NTRK2: variants seen among roughly 807,000 people sequenced by gnomAD.
NTRK2 encodes neurotrophic receptor tyrosine kinase 2, also known as BDNF/NT-3 growth factors receptor.
Under a neutral mutation model 94.5 loss-of-function variants are expected in NTRK2, and 13 were observed. The ratio of observed to expected loss-of-function variants is 0.14; its 90% CI spans 0.09 to 0.22. NTRK2 has a LOEUF of 0.22. Among genes scored for constraint, NTRK2 ranks in the 10% least tolerant of loss-of-function variants. NTRK2 has a pLI of 1.00. For synonymous variants in NTRK2, 372 were observed against 407.4 expected (o/e 0.91, Z 1.05); for missense variants, 639 against 1,071.2 (o/e 0.60, Z 5.63).
chr9:84,754,179 C>T (rs925008970), intron 12 of NTRK2, among the ~76,000 whole-genome samples: 2 of 151,990 alleles, frequency 1.3e-5, no homozygotes, highest in African/African-American at 4.8e-5. Flanking sequence ...AAAGAGTGTG[C>T]TTAACCCTGC....
intron 18 of NTRK2, 27 bp downstream of exon 18, chr9:85,020,391 T>A: frequency 1.2e-6 from 2 of 1,612,976 alleles, no homozygotes; most frequent in Non-Finnish European, 8.5e-7. Flanking sequence ...GCCAAGACCC[T>A]CCAGAGGGCT....
chr9:84,815,809 T>C (rs2072339511), intron 12 of NTRK2: 5 of 909,904 alleles, frequency 5.5e-6, no homozygotes, highest in South Asian at 5.1e-5. Flanking sequence ...CTGAAGACTT[T>C]AGAAGAAACA....
chr9:85,012,174 A>G (rs1210566314), intron 17 of NTRK2, among the ~76,000 whole-genome samples: 5 of 151,710 alleles, frequency 3.3e-5, no homozygotes, highest in Non-Finnish European at 5.9e-5. Context: ...TTTTTAGTAG[A>G]GACGGGGTTT....
intron 12 of NTRK2, among the ~76,000 whole-genome samples, chr9:84,763,630 G>C (rs923914426): frequency 1.5e-4 from 23 of 152,114 alleles, no homozygotes; most frequent in Non-Finnish European, 3.1e-4. Context: ...CAAATTTCCA[G>C]CATGTTTTTC....
intron 12 of NTRK2, among the ~76,000 whole-genome samples, chr9:84,793,308 G>A (rs1041415003): frequency 1.3e-5 from 2 of 150,052 alleles, no homozygotes; most frequent in African/African-American, 4.9e-5. Context: ...AAAAAAAATT[G>A]CCCCAGTTAG....
intron 12 of NTRK2, chr9:84,812,809 T>A: frequency 9.6e-7 from 1 of 1,039,872 alleles, no homozygotes; most frequent in Non-Finnish European, 1.2e-6. Context: ...GCTAGAAGGA[T>A]TGCAAGGTAG....
At chr9:84,780,754 A>G (rs1403942551) in intron 12 of NTRK2, among the ~76,000 whole-genome samples, 1 of 152,224 alleles carries the variant, frequency 6.6e-6, no homozygotes, top group African/African-American at 2.4e-5. Context: ...ACTGGTCCAT[A>G]GTTCCTACTT....
intron 17 of NTRK2, among the ~76,000 whole-genome samples, chr9:84,972,939 A>G (rs1004230970): frequency 6.6e-6 from 1 of 152,194 alleles, no homozygotes; most frequent in African/African-American, 2.4e-5. Flanking sequence ...AGAATTAACT[A>G]TGATTTCAGC....
At chr9:84,762,442 A>G (rs902365806) in intron 12 of NTRK2, among the ~76,000 whole-genome samples, 4 of 152,238 alleles carry the variant, frequency 2.6e-5, no homozygotes, top group Admixed American at 1.3e-4. Flanking sequence ...CATGCATTCC[A>G]TAGCCCAAAA....
At position 84,802,814 on chromosome 9, in the gene NTRK2, C is replaced by T. The variant is rs113377403; in HGVS notation, c.1396+50729C>T. Among the ~76,000 whole-genome samples, 5 of 152,156 alleles carry T rather than the reference C, an allele frequency of 3.3e-5. No homozygotes were observed. The East Asian group carries it at 5.8e-4, about 18-fold the overall frequency. ...TTAAGGAGTGTGCATAGTGATCTGC[C>T]GTTGACAGTATCCTGAGGGTGCCAC... is the stretch of plus-strand genomic sequence containing the variant. On this transcript the variant is annotated intron_variant, in intron 12 of 18. Transcript: ENST00000277120.
intron 17 of NTRK2, chr9:84,955,734 G>A: frequency 1.6e-6 from 1 of 641,642 alleles, no homozygotes; most frequent in Non-Finnish European, 2.8e-6. Context: ...GCAGGTGGCT[G>A]CCTTCTCACT....
intron 14 of NTRK2, among the ~76,000 whole-genome samples, chr9:84,912,609 GC>G (rs1240456688): frequency 1.8e-5 from 2 of 113,578 alleles, no homozygotes; most frequent in East Asian, 2.7e-4. Context: ...TTTTTGACTT[GC>G]CTTTTTTTTT....
At position 84,967,883 on chromosome 9, in the gene NTRK2, C is replaced by T. The variant is rs149872396; in HGVS notation, c.2172+12366C>T. ...AATTGCAGGGTGAGTGATGTCCAAC[C>T]TCAGTATGGCTTTTTTCTGCAGCTA... On this transcript the variant is annotated intron_variant, in intron 17 of 18. Coordinates refer to ENST00000277120, the MANE Select transcript of NTRK2 (RefSeq NM_006180.6). Among the ~76,000 whole-genome samples, 129 of 152,304 alleles carry T rather than the reference C, an allele frequency of 8.5e-4. 1 individual carries two copies. The highest frequency in any genetic ancestry group is 6.4e-3 in the East Asian group (33 of 5,178).
At chr9:84,759,343 G>C (rs564634170) in intron 12 of NTRK2, among the ~76,000 whole-genome samples, 2 of 152,358 alleles carry the variant, frequency 1.3e-5, no homozygotes, top group Admixed American at 6.5e-5. Flanking sequence ...ATGTGTGTCA[G>C]ACTTCTAAGA....
intron 11 of NTRK2, among the ~76,000 whole-genome samples, chr9:84,750,495 C>G (rs894380193): frequency 6.6e-6 from 1 of 152,208 alleles, no homozygotes; most frequent in Non-Finnish European, 1.5e-5. Context: ...AATTGTTGTG[C>G]AGATTCTTAA....
chr9:84,918,718 G>T (rs12336818), intron 14 of NTRK2, among the ~76,000 whole-genome samples: 1 of 152,196 alleles, frequency 6.6e-6, no homozygotes, highest in African/African-American at 2.4e-5. Flanking sequence ...GTCATGTTGC[G>T]TATGGTAGCC....
At chr9:84,756,232 C>T (rs957297017) in intron 12 of NTRK2, among the ~76,000 whole-genome samples, 1 of 152,178 alleles carries the variant, frequency 6.6e-6, no homozygotes, top group African/African-American at 2.4e-5. Flanking sequence ...TTTTCCAGAA[C>T]AGCTCCATTG....
At chr9:84,905,621 G>C (rs1330039263) in intron 14 of NTRK2, among the ~76,000 whole-genome samples, 1 of 152,186 alleles carries the variant, frequency 6.6e-6, no homozygotes, top group Non-Finnish European at 1.5e-5. Flanking sequence ...ACTGGCTAAT[G>C]TCTACTAGAT....
rs760215602 is a variant in NTRK2 at position 84,710,672 on chromosome 9, A to G, written c.464A>G (p.Asp155Gly). Residue 155 changes from aspartate to glycine, a missense_variant, in exon 6 of 19, where the codon GAC becomes GGC. Coordinates refer to ENST00000277120, the MANE Select transcript of NTRK2 (RefSeq NM_006180.6). Reference sequence around the variant, plus strand: ...GGCAATCCATTTACATGCTCCTGTGACATTATGTGGATCAAGACTCTCCAA... The same window carrying G: ...GGCAATCCATTTACATGCTCCTGTGGCATTATGTGGATCAAGACTCTCCAA... ...LVGNPFTCSC[D>G]IMWIKTLQEA... 1.7e-5 allele frequency: 28 copies of G among 1,614,162 alleles called. No individual in the cohort carries two copies. The highest frequency in any genetic ancestry group is 1.6e-4 in the Middle Eastern group (1 of 6,062).
Sources: gnomAD v4.1 joint callset for allele counts (sites outside exome capture counted in the v4.1 genomes callset) on GRCh38, gnomAD v4.1.1 for gene constraint, MANE v1.5 for transcripts, NCBI Gene and HGNC (gene_info 2026-07-23, HGNC 2026-07-21) for gene names.